Variants in ZNF423 observed in about 807,000 individuals in gnomAD.
The protein encoded by ZNF423 is zinc finger protein 423, also known as Ebf-associated zinc finger protein.
Under a neutral mutation model 95.8 loss-of-function variants are expected in ZNF423, and 12 were observed. The ratio of observed to expected loss-of-function variants is 0.13; its 90% CI spans 0.08 to 0.20. The LOEUF (loss-of-function observed/expected upper bound fraction) is 0.20. Among genes scored for constraint, ZNF423 ranks in the 10% least tolerant of loss-of-function variants. The probability of loss-of-function intolerance (pLI) is 1.00; values close to 1 mark genes in which losing one functional copy is unlikely to be tolerated. For synonymous variants in ZNF423, 749 were observed against 711.9 expected (o/e 1.05, Z -0.83); for missense variants, 1,316 against 1,737.1 (o/e 0.76, Z 4.31).
At chr16:49,850,748 A>G (rs939977404) in intron 1 of ZNF423, among the ~76,000 whole-genome samples, 13 of 152,258 alleles carry the variant, frequency 8.5e-5, no homozygotes, top group Admixed American at 7.8e-4. Context: ...AGATGCCTGC[A>G]TGTCAGAAGT....
At position 49,723,544 on chromosome 16, in the gene ZNF423, G is replaced by T. The variant is rs575471324; in HGVS notation, c.301+7227C>A. Among the ~76,000 whole-genome samples, 4 of 152,300 alleles carry T rather than the reference G, an allele frequency of 2.6e-5. No homozygotes were observed. The South Asian group carries it at 8.3e-4, about 32-fold the overall frequency. ...GATTTACTGTGGTTTTCACAATGTAGAATTTTTTTATTTTTATGTAGTTGA... is the reference window on the plus strand; with the variant it reads ...GATTTACTGTGGTTTTCACAATGTATAATTTTTTTATTTTTATGTAGTTGA... On this transcript the variant is annotated intron_variant, in intron 3 of 7. Coordinates refer to ENST00000563137, the MANE Select transcript of ZNF423 (RefSeq NM_001379286.1).
At chr16:49,594,378 A>G (rs951037200) in intron 5 of ZNF423, among the ~76,000 whole-genome samples, 3 of 152,062 alleles carry the variant, frequency 2.0e-5, no homozygotes, top group African/African-American at 7.2e-5. Context: ...CCAAGCTGGG[A>G]AGCCCCCAGG....
intron 5 of ZNF423, among the ~76,000 whole-genome samples, chr16:49,572,991 A>G (rs925486485): frequency 1.3e-5 from 2 of 152,144 alleles, no homozygotes; most frequent in South Asian, 4.1e-4. Flanking sequence ...CATAAGGGAG[A>G]GCGGGAAGGT....
chr16:49,638,560 C>G lies in ZNF423; in HGVS notation c.616G>C (p.Glu206Gln). 6.2e-7 allele frequency: 1 copy of G among 1,613,816 alleles called. No homozygotes were observed. Among genetic ancestry groups the G allele is most frequent in the Non-Finnish European group, 8.5e-7 (1 of 1,180,026 alleles). Residue 206 changes from glutamate to glutamine, a missense_variant, in exon 4 of 8, where the codon GAG (glutamate) becomes CAG (glutamine). Glu to Gln is a conservative substitution (Grantham distance 29). Transcript: ENST00000563137. The surrounding 1 kb of genome is among the most constrained non-coding windows in gnomAD (Gnocchi z 5.6). ...HTGDKKYHCH[E>Q]CEAAFSRSDH... ...CTGCGGGAGAAGGCTGCCTCGCACTCGTGGCAGTGATACTTCTTGTCGCCC... is the reference window on the plus strand; with the variant it reads ...CTGCGGGAGAAGGCTGCCTCGCACTGGTGGCAGTGATACTTCTTGTCGCCC...
At chr16:49,815,921 T>TGGGGCTGCCTCCCA (rs2034847698) in intron 1 of ZNF423, among the ~76,000 whole-genome samples, 1 of 76,474 alleles carries the variant, frequency 1.3e-5, no homozygotes, top group East Asian at 3.6e-4. Flanking sequence ...TATATTTTTT[T>TGGGGCTGCCTCCCA]TTTTTTTTTT....
intron 3 of ZNF423, among the ~76,000 whole-genome samples, chr16:49,700,195 C>CAAAA (rs3084468): frequency 2.1e-5 from 2 of 96,580 alleles, no homozygotes; most frequent in African/African-American, 4.1e-5. Context: ...CCCAGGATTT[C>CAAAA]AAAAAAAAAA....
intron 5 of ZNF423, among the ~76,000 whole-genome samples, chr16:49,622,527 G>A (rs958813259): frequency 5.9e-5 from 9 of 152,166 alleles, no homozygotes; most frequent in East Asian, 1.9e-4. Context: ...CCATCTCTCC[G>A]AAGGCAACGT....
At chr16:49,553,373 G>A (rs1969708197) in intron 5 of ZNF423, among the ~76,000 whole-genome samples, 1 of 151,804 alleles carries the variant, frequency 6.6e-6, no homozygotes, top group Non-Finnish European at 1.5e-5. Context: ...CAGGCTCTTG[G>A]TCTTGCTCTG....
rs148867619 is a variant in ZNF423, at chr16:49,511,618, G to A, written c.3849+12006C>T. ...TACTACTTTGGGGTGAGGGGCTCAGGCCTGTGCCTTGGGCCTTCTAAGGAC... is the reference window on the plus strand; with the variant it reads ...TACTACTTTGGGGTGAGGGGCTCAGACCTGTGCCTTGGGCCTTCTAAGGAC... On this transcript the variant is annotated intron_variant, in intron 7 of 7. Coordinates refer to ENST00000563137, the MANE Select transcript of ZNF423 (RefSeq NM_001379286.1). 5.6e-3 allele frequency among the ~76,000 whole-genome samples: 852 copies of A among 152,306 alleles called. 10 individuals carry two copies. Among genetic ancestry groups the A allele is most frequent in the African/African-American group, 0.019 (788 of 41,566 alleles).
chr16:49,734,143 C>A (rs2033231393), intron 2 of ZNF423, among the ~76,000 whole-genome samples: 1 of 152,188 alleles, frequency 6.6e-6, no homozygotes, highest in Admixed American at 6.5e-5. Flanking sequence ...ACCTGGAGAC[C>A]GTCTGGGGTT....
intron 1 of ZNF423, among the ~76,000 whole-genome samples, chr16:49,842,919 C>T (rs1264916258): frequency 1.4e-5 from 2 of 146,094 alleles, no homozygotes; most frequent in South Asian, 4.3e-4. Flanking sequence ...GCGGAGGTTG[C>T]AGTGAGGCAA....
At chr16:49,557,589 A>G (rs1346263874) in intron 5 of ZNF423, among the ~76,000 whole-genome samples, 1 of 152,190 alleles carries the variant, frequency 6.6e-6, no homozygotes, top group African/African-American at 2.4e-5. Flanking sequence ...ATATTGGCCC[A>G]GGTGAGAGAA....
At chr16:49,747,656 TAA>T (rs10701037) in intron 2 of ZNF423, among the ~76,000 whole-genome samples, 142 of 147,482 alleles carry the variant, frequency 9.6e-4, no homozygotes, top group African/African-American at 2.7e-3. Context: ...ATATTTCATT[TAA>T]AAAAAAAAAA....
intron 3 of ZNF423, among the ~76,000 whole-genome samples, chr16:49,725,133 C>T (rs1383021474): frequency 6.6e-6 from 1 of 152,158 alleles, no homozygotes; most frequent in Non-Finnish European, 1.5e-5. Context: ...AAAATAGTGC[C>T]TAGCTTTGGG....
At chr16:49,783,520 AG>A (rs1290071530) in intron 2 of ZNF423, among the ~76,000 whole-genome samples, 1 of 83,070 alleles carries the variant, frequency 1.2e-5, no homozygotes, top group African/African-American at 4.9e-5. Context: ...GGCGGGAAAG[AG>A]GGGGGTTAGA....
intron 2 of ZNF423, among the ~76,000 whole-genome samples, chr16:49,756,917 C>T (rs2033738619): frequency 6.6e-6 from 1 of 152,188 alleles, no homozygotes; most frequent in African/African-American, 2.4e-5. Flanking sequence ...TGCATAATTC[C>T]TTGTTTTCTT....
upstream of ZNF423, among the ~76,000 whole-genome samples, chr16:49,858,964 C>A (rs548771625): frequency 7.2e-5 from 11 of 152,328 alleles, no homozygotes; most frequent in African/African-American, 2.4e-4. The surrounding 1 kb of genome is among the most constrained non-coding windows in gnomAD (Gnocchi z 4.3). Flanking sequence ...GGTGCCCCCG[C>A]CGCGGGCTGC....
intron 5 of ZNF423, among the ~76,000 whole-genome samples, chr16:49,613,590 G>A (rs1481028368): frequency 6.6e-6 from 1 of 152,190 alleles, no homozygotes; most frequent in Non-Finnish European, 1.5e-5. Context: ...TTTTGTTAGG[G>A]GGGAAGTTGG....
At chr16:49,591,146 C>T (rs1041846575) in intron 5 of ZNF423, among the ~76,000 whole-genome samples, 2 of 151,700 alleles carry the variant, frequency 1.3e-5, no homozygotes, top group East Asian at 1.9e-4. Context: ...TAAAATAGTA[C>T]GGACAGTATA....
Sources: gnomAD v4.1 joint callset for allele counts (sites outside exome capture counted in the v4.1 genomes callset) on GRCh38, gnomAD v4.1.1 for gene constraint, Gnocchi (gnomAD v3.1) non-coding constraint, MANE v1.5 for transcripts, NCBI Gene and HGNC (gene_info 2026-07-23, HGNC 2026-07-21) for gene names.